The following PCDH7 variants were observed in gnomAD, a reference collection of about 807,000 sequenced individuals.
PCDH7 encodes protocadherin 7.
A neutral mutation model predicts 58.9 loss-of-function variants in PCDH7; 17 were observed. The observed-to-expected ratio is 0.29, with a 90% CI of 0.20 to 0.43. PCDH7 has a LOEUF of 0.43. Ranked by LOEUF, PCDH7 falls within the 20% of genes least tolerant of loss-of-function variation. The pLI, the probability that PCDH7 is intolerant of heterozygous loss-of-function variation, is 1.00. For synonymous variants in PCDH7, 664 were observed against 616.4 expected, an observed-to-expected ratio of 1.08 and a Z score of -1.14; for missense variants, 1,274 against 1,441.0, an observed-to-expected ratio of 0.88 and a Z score of 1.88.
At chr4:30,888,568 A>G (rs992452159) in intron 1 of PCDH7, among the ~76,000 whole-genome samples, 2 of 152,226 alleles carry the variant, frequency 1.3e-5, no homozygotes, top group South Asian at 2.1e-4. Flanking sequence ...AACAATTACA[A>G]ATGTGAACAC....
At chr4:30,774,631 T>C (rs1007059348) in intron 1 of PCDH7, among the ~76,000 whole-genome samples, 5 of 152,200 alleles carry the variant, frequency 3.3e-5, no homozygotes, top group Non-Finnish European at 5.9e-5. Flanking sequence ...ATTTAAAGTA[T>C]GCAATACTTT....
chr4:30,983,481 G>A (rs1473646703), intron 3 of PCDH7, among the ~76,000 whole-genome samples: 2 of 152,096 alleles, frequency 1.3e-5, no homozygotes, highest in African/African-American at 2.4e-5. Context: ...TTAATAAAAA[G>A]CTAACTTTAA....
At position 30,760,099 on chromosome 4, in the gene PCDH7, A is replaced by G. The variant is rs761491149; in HGVS notation, c.70+35503A>G. Among the ~76,000 whole-genome samples the G allele has an allele frequency of 6.2e-4, 95 of 152,172 alleles. 2 individuals carry two copies. The highest frequency in any genetic ancestry group is 1.5e-4 in the Non-Finnish European group (10 of 68,036). On this transcript the variant is annotated intron_variant, in intron 1 of 3. Coordinates refer to the PCDH7 transcript ENST00000509759. ...TTAAGAAGTACGGTAGTTAAGCTTC[A>G]AGTGCCATTGTTCCTCTGCTTCTCA... is the stretch of plus-strand genomic sequence containing the variant.
chr4:31,003,303 GAAATTTTATGTCT>G (rs1752504452), intron 3 of PCDH7, among the ~76,000 whole-genome samples: 1 of 151,596 alleles, frequency 6.6e-6, no homozygotes, highest in African/African-American at 2.4e-5. Flanking sequence ...ATCTTACCAA[GAAATTTTATGTCT>G]AGAGAGACAT....
At chr4:31,053,464 C>T (rs533039213) in intron 3 of PCDH7, among the ~76,000 whole-genome samples, 3 of 152,244 alleles carry the variant, frequency 2.0e-5, no homozygotes, top group African/African-American at 7.2e-5. Flanking sequence ...ATAAGATGTC[C>T]TGGCTCACAC....
At chr4:30,836,723 A>G (rs2109335066) in intron 1 of PCDH7, among the ~76,000 whole-genome samples, 3 of 147,670 alleles carry the variant, frequency 2.0e-5, no homozygotes, top group Middle Eastern at 3.4e-3. Flanking sequence ...TATCATAATG[A>G]AAAAAAAAAT....
chr4:30,836,602 A>G (rs1730517422), intron 1 of PCDH7, among the ~76,000 whole-genome samples: 2 of 152,172 alleles, frequency 1.3e-5, no homozygotes, highest in Admixed American at 1.3e-4. Flanking sequence ...GCTTATGAAA[A>G]TTTAAATTTC....
chr4:31,051,838 G>T (rs199977417), intron 3 of PCDH7, among the ~76,000 whole-genome samples: 4 of 130,988 alleles, frequency 3.1e-5, no homozygotes, highest in African/African-American at 9.8e-5. Flanking sequence ...GTGTGTGGGG[G>T]GCGGGTAGGG....
intron 1 of PCDH7, among the ~76,000 whole-genome samples, chr4:30,823,961 C>A (rs971472725): frequency 1.3e-5 from 2 of 152,042 alleles, no homozygotes; most frequent in Non-Finnish European, 1.5e-5. Flanking sequence ...GAATAAAGAA[C>A]CCAGAATCTG....
chr4:30,914,379 C>G (rs1742152158), intron 1 of PCDH7, among the ~76,000 whole-genome samples: 1 of 152,062 alleles, frequency 6.6e-6, no homozygotes, highest in Non-Finnish European at 1.5e-5. Context: ...GTGAAAGTCT[C>G]TAGTATGTCA....
At chr4:30,864,319 G>T (rs1578092654) in intron 1 of PCDH7, among the ~76,000 whole-genome samples, 1 of 151,724 alleles carries the variant, frequency 6.6e-6, no homozygotes, top group East Asian at 1.9e-4. Context: ...AATATTAATT[G>T]TATTCCTTCC....
At chr4:31,061,801 T>A (rs1757711504) in intron 3 of PCDH7, among the ~76,000 whole-genome samples, 1 of 151,792 alleles carries the variant, frequency 6.6e-6, no homozygotes, top group Non-Finnish European at 1.5e-5. Context: ...AAATGATTGC[T>A]GGTTTGACTG....
chr4:30,924,393 T>A (rs1255487194), intron 2 of PCDH7, among the ~76,000 whole-genome samples: 1 of 152,188 alleles, frequency 6.6e-6, no homozygotes, highest in Non-Finnish European at 1.5e-5. Context: ...ACATTCAATT[T>A]TTCTTGTATC....
downstream of PCDH7, among the ~76,000 whole-genome samples, chr4:30,734,732 C>A (rs534731101): frequency 6.6e-6 from 1 of 152,214 alleles, no homozygotes; most frequent in Non-Finnish European, 1.5e-5. Flanking sequence ...GAGTGCTGGG[C>A]TTAGAGGAGG....
At chr4:30,806,103 T>C (rs1256925996) in intron 1 of PCDH7, among the ~76,000 whole-genome samples, 1 of 152,188 alleles carries the variant, frequency 6.6e-6, no homozygotes, top group East Asian at 1.9e-4. Context: ...ATTTTTGGAT[T>C]TGGGATGCTC....
chr4:30,982,303 T>A, intron 3 of PCDH7, among the ~76,000 whole-genome samples: 1 of 152,228 alleles, frequency 6.6e-6, no homozygotes, highest in East Asian at 1.9e-4. Flanking sequence ...AGCCCCGTTG[T>A]CTTTTTCATG....
At chr4:30,766,531 A>G (rs966205094) in intron 1 of PCDH7, among the ~76,000 whole-genome samples, 3 of 152,100 alleles carry the variant, frequency 2.0e-5, no homozygotes, top group African/African-American at 7.2e-5. Flanking sequence ...CAACTGCATT[A>G]GGGGGTAGAA....
chr4:31,005,876 T>A (rs1752730890), intron 3 of PCDH7, among the ~76,000 whole-genome samples: 1 of 152,198 alleles, frequency 6.6e-6, no homozygotes, highest in Non-Finnish European at 1.5e-5. Flanking sequence ...ATGGTGCTGA[T>A]ACAGAGTAGT....
intron 1 of PCDH7, among the ~76,000 whole-genome samples, chr4:30,836,327 T>C (rs1730476525): frequency 2.0e-5 from 3 of 152,174 alleles, no homozygotes; most frequent in Admixed American, 1.3e-4. Flanking sequence ...AGACCAAATG[T>C]ATTAAGTGCT....
Sources: gnomAD v4.1 joint callset for allele counts (sites outside exome capture counted in the v4.1 genomes callset) on GRCh38, gnomAD v4.1.1 for gene constraint, MANE v1.5 for transcripts, NCBI Gene and HGNC (gene_info 2026-07-23, HGNC 2026-07-21) for gene names.